BMERB1: variants seen among roughly 807,000 people sequenced by gnomAD.
BMERB1 encodes the protein bMERB domain containing 1.
BMERB1 carries 12 observed loss-of-function variants against 23.6 expected under a neutral mutation model. The ratio of observed to expected loss-of-function variants is 0.51; its 90% CI spans 0.33 to 0.82. The LOEUF is 0.82. BMERB1 is among the 40% of genes least tolerant of loss of function. The pLI is 0.03. For synonymous variants in BMERB1, 122 were observed against 96.6 expected, an observed-to-expected ratio of 1.26 and a Z score of -1.54; for missense variants, 247 against 255.4, an observed-to-expected ratio of 0.97 and a Z score of 0.22.
intron 1 of BMERB1, among the ~76,000 whole-genome samples, chr16:15,469,885 G>C (rs1040400055): frequency 2.6e-5 from 4 of 152,190 alleles, no homozygotes; most frequent in African/African-American, 9.6e-5. Context: ...TAGTTTTTTG[G>C]TAAGTTATTG....
intron 1 of BMERB1, among the ~76,000 whole-genome samples, chr16:15,499,950 A>G (rs575599496): frequency 1.1e-4 from 17 of 152,322 alleles, no homozygotes; most frequent in Non-Finnish European, 1.5e-4. Context: ...CACACAATCA[A>G]TATATTCAAT....
At chr16:15,494,816 T>C (rs755334287) in intron 1 of BMERB1, among the ~76,000 whole-genome samples, 10 of 152,216 alleles carry the variant, frequency 6.6e-5, no homozygotes, top group Non-Finnish European at 1.5e-4. Flanking sequence ...AATGATCTTA[T>C]TGGAGCCTTA....
chr16:15,526,874 T>C (rs2051911856), intron 2 of BMERB1, among the ~76,000 whole-genome samples: 1 of 149,466 alleles, frequency 6.7e-6, no homozygotes, highest in Non-Finnish European at 1.5e-5. Flanking sequence ...AAATAACTGC[T>C]TTATTATTCC....
intron 1 of BMERB1, 142 bp from the exon 2 acceptor site, chr16:15,515,159 GAATA>G: frequency 9.6e-7 from 1 of 1,041,900 alleles, no homozygotes; most frequent in Non-Finnish European, 1.4e-6. Flanking sequence ...GTGTGCTCAC[GAATA>G]CACATTTGTG....
intron 1 of BMERB1, among the ~76,000 whole-genome samples, chr16:15,439,570 A>G (rs2050920792): frequency 6.6e-6 from 1 of 152,162 alleles, no homozygotes; most frequent in South Asian, 2.1e-4. Flanking sequence ...TCATGGGAAC[A>G]TGTGGAGAAA....
intron 1 of BMERB1, among the ~76,000 whole-genome samples, chr16:15,513,172 T>C (rs1391006933): frequency 6.6e-6 from 1 of 152,136 alleles, no homozygotes; most frequent in Non-Finnish European, 1.5e-5. Context: ...CCTAGAAACA[T>C]AGCCCGAAGG....
chr16:15,468,135 C>CT lies in BMERB1; in HGVS notation c.106+33404dup, dbSNP rs749534588. Among the ~76,000 whole-genome samples, 48 of 31,046 alleles carry CT rather than the reference C, an allele frequency of 1.5e-3. 2 individuals are homozygous for CT. The highest frequency in any genetic ancestry group is 2.8e-3 in the African/African-American group (32 of 11,592). 20.4% of individuals were successfully genotyped at this position (31,046 alleles called of 152,430 possible). ...TTCTTTTCTTTCTTTCTTTCTTCTT[C>CT]TTTTTTTTTTTTTTTTTTTTTTTTT... On this transcript the variant is annotated intron_variant, in intron 1 of 5. Coordinates refer to ENST00000300006, the MANE Select transcript of BMERB1 (RefSeq NM_033201.3).
chr16:15,457,056 C>A (rs563971148), intron 1 of BMERB1, among the ~76,000 whole-genome samples: 1 of 152,204 alleles, frequency 6.6e-6, no homozygotes, highest in South Asian at 2.1e-4. Context: ...GAACTCCTGA[C>A]CTCAAGTTAT....
Position 15,587,001 on chromosome 16 carries a change from A to T in BMERB1, c.*172A>T. ...AGGCGGGCCTGGCCACCCTGTACAG[A>T]GTGTAGCAGTAGGGAGTCTCTCACC... On this transcript the variant is annotated 3_prime_UTR_variant, in exon 6 of 6. Coordinates refer to ENST00000300006, the MANE Select transcript of BMERB1 (RefSeq NM_033201.3). 1.7e-6 allele frequency: 1 copy of T among 586,492 alleles called. No individual in the cohort carries two copies. Among genetic ancestry groups the T allele is most frequent in the East Asian group, 2.9e-5 (1 of 34,864 alleles). 36.3% of individuals were successfully genotyped at this position (586,492 alleles called of 1,614,324 possible). A position where few individuals can be genotyped will look rare whatever the true frequency, so the allele number is the denominator to read the frequency against.
chr16:15,522,279 C>T (rs1423727297), intron 2 of BMERB1, among the ~76,000 whole-genome samples: 3 of 152,204 alleles, frequency 2.0e-5, no homozygotes, highest in African/African-American at 7.2e-5. Flanking sequence ...ATTTCAAGAG[C>T]ACAGCCTTTG....
At chr16:15,473,484 G>A (rs1186043979) in intron 1 of BMERB1, among the ~76,000 whole-genome samples, 1 of 150,924 alleles carries the variant, frequency 6.6e-6, no homozygotes, top group African/African-American at 2.4e-5. Context: ...GTAGCGATGG[G>A]GTTTCATTAT....
At position 15,485,195 on chromosome 16, in the gene BMERB1, G is replaced by A. The variant is rs577075550; in HGVS notation, c.107-30110G>A. Among the ~76,000 whole-genome samples the A allele has an allele frequency of 1.7e-3, 252 of 152,308 alleles. 1 individual carries two copies. The highest frequency in any genetic ancestry group is 2.1e-3 in the Non-Finnish European group (144 of 68,028). On this transcript the variant is annotated intron_variant, in intron 1 of 5. Coordinates refer to ENST00000300006, the MANE Select transcript of BMERB1 (RefSeq NM_033201.3). The stretch of plus-strand genomic sequence containing the variant: ...GTGGGGGAGAGGGGAAGAGGTGGCG[G>A]TAGAATATTCTGATTGGCCAGGTTC...
intron 2 of BMERB1, among the ~76,000 whole-genome samples, chr16:15,557,842 C>G (rs2150968512): frequency 6.6e-6 from 1 of 152,224 alleles, no homozygotes; most frequent in East Asian, 1.9e-4. Flanking sequence ...GTAAGGAGTT[C>G]AAGACCAGCC....
chr16:15,446,363 C>A (rs550882256), intron 1 of BMERB1, among the ~76,000 whole-genome samples: 1 of 152,204 alleles, frequency 6.6e-6, no homozygotes, highest in South Asian at 2.1e-4. Flanking sequence ...CCACTGCACT[C>A]CAGCATGGGC....
chr16:15,500,031 G>T (rs899589370), intron 1 of BMERB1, among the ~76,000 whole-genome samples: 4 of 152,130 alleles, frequency 2.6e-5, no homozygotes, highest in Non-Finnish European at 5.9e-5. Flanking sequence ...AATTGAGTGA[G>T]GGGGGTAGAG....
chr16:15,437,853 G>C (rs536640327), intron 1 of BMERB1, among the ~76,000 whole-genome samples: 1 of 152,052 alleles, frequency 6.6e-6, no homozygotes, highest in East Asian at 2.0e-4. Context: ...AGCTGCCGGG[G>C]AGGCTGACAC....
chr16:15,502,411 T>G (rs1213391689), intron 1 of BMERB1: 22 of 1,500,236 alleles, frequency 1.5e-5, no homozygotes, highest in Non-Finnish European at 2.0e-5. Flanking sequence ...TGGCATCCTC[T>G]CCACGAGGCA....
At chr16:15,484,999 G>A (rs7194030) in intron 1 of BMERB1, among the ~76,000 whole-genome samples, 137,841 of 152,232 alleles carry the variant, frequency 0.91, 63,981 homozygotes, top group East Asian at 1. Context: ...CTTCACTCTC[G>A]GGCAGATGCT....
Position 15,539,219 on chromosome 16 carries a change from G to A in BMERB1, c.230+23791G>A, listed in dbSNP as rs80293656. 2.4e-4 allele frequency among the ~76,000 whole-genome samples: 36 copies of A among 152,248 alleles called. No individual in the cohort carries two copies. In the East Asian group the frequency reaches 6.7e-3, roughly 29 times the overall value. On this transcript the variant is annotated intron_variant, in intron 2 of 5. Transcript: ENST00000300006. ...TCATCAGGCATTAGATTCCTATAAG[G>A]AGCGTGCAACCTAGATCCCTCACAT... is the stretch of plus-strand genomic sequence containing the variant.
Sources: allele counts gnomAD v4.1 joint callset (sites outside exome capture counted in the v4.1 genomes callset), GRCh38; gene constraint gnomAD v4.1.1; transcripts MANE v1.5; gene names NCBI Gene and HGNC (gene_info 2026-07-23, HGNC 2026-07-21).